Variants in DACH2 observed in about 807,000 individuals in gnomAD.
DACH2 encodes the protein dachshund family transcription factor 2.
In DACH2, 17 loss-of-function variants were observed where a neutral mutation model predicts 35.8. The observed-to-expected ratio is 0.48, with a 90% CI of 0.33 to 0.71. The LOEUF (loss-of-function observed/expected upper bound fraction) is 0.71, where lower values mean the gene tolerates loss of function less well. DACH2 is among the 30% of genes least tolerant of loss of function. The pLI, the probability that DACH2 is intolerant of heterozygous loss-of-function variation, is 0.02. For missense variants in DACH2, 469 were observed against 472.7 expected (o/e 0.99, Z 0.07); for synonymous variants, 195 against 177.3 (o/e 1.10, Z -0.79).
chrX:86,555,069 G>T, intron 3 of DACH2, among the ~76,000 whole-genome samples: 1 of 110,669 alleles, frequency 9.0e-6, no homozygotes, highest in South Asian at 3.8e-4. Context: ...CCACCAAAAT[G>T]TATTATTCAT....
At chrX:86,235,914 A>G (rs912695216) in intron 1 of DACH2, among the ~76,000 whole-genome samples, 11 of 111,720 alleles carry the variant, frequency 9.8e-5, no homozygotes, top group African/African-American at 3.3e-4. Context: ...TGGGTAGATT[A>G]CCTGAGGTCA....
intron 7 of DACH2, among the ~76,000 whole-genome samples, chrX:86,758,629 T>A (rs2041851160): frequency 8.9e-6 from 1 of 111,913 alleles, no homozygotes; most frequent in Non-Finnish European, 1.9e-5. Context: ...TTGTTGAGAC[T>A]TATTTTGTCT....
intron 7 of DACH2, among the ~76,000 whole-genome samples, chrX:86,756,131 G>A (rs184155866): frequency 9.0e-6 from 1 of 111,025 alleles, no homozygotes. Context: ...TGCTGTTTTG[G>A]CTACTATAGC....
chrX:86,821,870 TAGTG>T (rs909067455), intron 11 of DACH2, among the ~76,000 whole-genome samples: 3 of 111,863 alleles, frequency 2.7e-5, no homozygotes, highest in Non-Finnish European at 5.6e-5. Flanking sequence ...TGATAGCAAA[TAGTG>T]AGACTTGCCA....
At chrX:86,730,374 T>G (rs2041519186) in intron 6 of DACH2, among the ~76,000 whole-genome samples, 1 of 112,137 alleles carries the variant, frequency 8.9e-6, no homozygotes, top group South Asian at 3.6e-4. Context: ...TCTTTATACT[T>G]TACTTCTATA....
intron 3 of DACH2, among the ~76,000 whole-genome samples, chrX:86,644,293 G>T (rs1329757084): frequency 9.0e-6 from 1 of 111,480 alleles, no homozygotes; most frequent in Non-Finnish European, 1.9e-5. Context: ...CAAACTGAGA[G>T]CCAAGTCAGA....
intron 1 of DACH2, among the ~76,000 whole-genome samples, chrX:86,308,735 C>G (rs2034739216): frequency 9.0e-6 from 1 of 111,601 alleles, no homozygotes; most frequent in Non-Finnish European, 1.9e-5. Context: ...TAACTGTGCA[C>G]TGGGGAAAGG....
At chrX:86,779,170 T>C (rs1181506182) in intron 7 of DACH2, among the ~76,000 whole-genome samples, 1 of 111,848 alleles carries the variant, frequency 8.9e-6, no homozygotes, top group African/African-American at 3.3e-5. Context: ...ATGGAAATAA[T>C]AGACCAGAAA....
chrX:86,192,171 T>C (rs2031851733), intron 1 of DACH2, among the ~76,000 whole-genome samples: 1 of 111,318 alleles, frequency 9.0e-6, no homozygotes, highest in Admixed American at 9.6e-5. Flanking sequence ...CAATGCAGAT[T>C]CAGCTTTATA....
intron 5 of DACH2, among the ~76,000 whole-genome samples, chrX:86,699,142 C>T (rs963691920): frequency 4.3e-4 from 48 of 111,859 alleles, no homozygotes; most frequent in African/African-American, 1.4e-3. Context: ...ACTCCAATGA[C>T]AGAACTAGAC....
intron 6 of DACH2, among the ~76,000 whole-genome samples, chrX:86,716,444 C>T (rs1032238777): frequency 1.8e-5 from 2 of 111,512 alleles, no homozygotes; most frequent in African/African-American, 6.5e-5. Flanking sequence ...CCTGTAGTCC[C>T]AGCTGCTTAG....
chrX:86,611,896 C>A (rs1425403828), intron 3 of DACH2, among the ~76,000 whole-genome samples: 1 of 110,001 alleles, frequency 9.1e-6, no homozygotes, highest in African/African-American at 3.3e-5. Context: ...GAATTCTCAC[C>A]TTATTTTTGG....
chrX:86,446,201 C>CT (rs1016954832), intron 2 of DACH2, among the ~76,000 whole-genome samples: 2 of 108,097 alleles, frequency 1.9e-5, no homozygotes, highest in African/African-American at 6.8e-5. Context: ...TGTGGAATGT[C>CT]TTTTTTTATT....
In DACH2 at chrX:86,262,820, A is replaced by C. The variant is rs2033650715; in HGVS notation, c.488+113712A>C. The C allele has an allele frequency of 3.0e-5, 5 of 165,201 alleles. No homozygotes were observed. In the South Asian group the frequency reaches 1.4e-3, roughly 46 times the overall value. The allele number at this position is 165,201 out of a possible 1,213,427, so 13.6% of individuals were successfully genotyped here. ...ACAAAATGGACTTTGCAACATGTAC[A>C]TGAAAATTAAAACCATTGGTTGCAG... On this transcript the variant is annotated intron_variant, in intron 1 of 11. Transcript: ENST00000373125.
intron 7 of DACH2, among the ~76,000 whole-genome samples, chrX:86,742,067 A>G (rs1013861736): frequency 5.4e-5 from 6 of 110,970 alleles, no homozygotes; most frequent in Non-Finnish European, 9.5e-5. Flanking sequence ...ATCCAAAGCA[A>G]TGTAATATCC....
At chrX:86,566,282 A>G (rs988526441) in intron 3 of DACH2, among the ~76,000 whole-genome samples, 1 of 111,920 alleles carries the variant, frequency 8.9e-6, no homozygotes, top group Non-Finnish European at 1.9e-5. Flanking sequence ...ATTATCCCAC[A>G]ACATTAGATG....
chrX:86,581,303 C>A (rs1277697884), intron 3 of DACH2, among the ~76,000 whole-genome samples: 2 of 111,720 alleles, frequency 1.8e-5, no homozygotes, highest in African/African-American at 6.5e-5. Flanking sequence ...TGACACTATA[C>A]AGCAATCACA....
chrX:86,615,555 T>C (rs1256433703), intron 3 of DACH2, among the ~76,000 whole-genome samples: 2 of 111,483 alleles, frequency 1.8e-5, no homozygotes, highest in Non-Finnish European at 3.8e-5. Flanking sequence ...CTGAGCTGCC[T>C]TACTCAGCAC....
At chrX:86,749,970 T>G (rs181961344) in intron 7 of DACH2, among the ~76,000 whole-genome samples, 60 of 111,663 alleles carry the variant, frequency 5.4e-4, no homozygotes, top group African/African-American at 1.9e-3. Flanking sequence ...TGGTTTTATA[T>G]AGATTCTTTA....
Sources: gnomAD v4.1 joint callset for allele counts (sites outside exome capture counted in the v4.1 genomes callset) on GRCh38, gnomAD v4.1.1 for gene constraint, MANE v1.5 for transcripts, NCBI Gene and HGNC (gene_info 2026-07-23, HGNC 2026-07-21) for gene names.